Variants in PRKCE observed in about 807,000 individuals in gnomAD.
PRKCE encodes protein kinase C epsilon.
Under a neutral mutation model 85.4 loss-of-function variants are expected in PRKCE, and 16 were observed. That is an observed-to-expected ratio of 0.19 (90% confidence interval 0.13 to 0.28). PRKCE has a LOEUF of 0.28. Among genes scored for constraint, PRKCE ranks in the 10% least tolerant of loss-of-function variants. The probability of loss-of-function intolerance (pLI) is 1.00; values close to 1 mark genes in which losing one functional copy is unlikely to be tolerated. For missense variants in PRKCE, 573 were observed against 975.2 expected, an observed-to-expected ratio of 0.59 and a Z score of 5.49; for synonymous variants, 388 against 371.5, an observed-to-expected ratio of 1.04 and a Z score of -0.51.
At chr2:46,039,769 G>A (rs981091979) in intron 10 of PRKCE, among the ~76,000 whole-genome samples, 2 of 152,078 alleles carry the variant, frequency 1.3e-5, no homozygotes, top group Admixed American at 6.5e-5. Context: ...AGGCATATAC[G>A]AGGCTCTTCA....
intron 11 of PRKCE, among the ~76,000 whole-genome samples, chr2:46,120,638 T>C (rs1673220848): frequency 6.6e-6 from 1 of 152,192 alleles, no homozygotes; most frequent in African/African-American, 2.4e-5. Flanking sequence ...CAGATGTAGA[T>C]GATGTAGGCT....
chr2:45,772,168 TG>T (rs1685390991), intron 1 of PRKCE, among the ~76,000 whole-genome samples: 1 of 152,062 alleles, frequency 6.6e-6, no homozygotes, highest in African/African-American at 2.4e-5. Flanking sequence ...TGCCTAATTT[TG>T]TGTTTCTTCT....
intron 2 of PRKCE, among the ~76,000 whole-genome samples, chr2:45,887,871 A>G (rs1160421423): frequency 2.6e-5 from 4 of 152,214 alleles, no homozygotes; most frequent in Admixed American, 1.3e-4. Context: ...ACAAAAGCAC[A>G]TCTAACTGGC....
intron 2 of PRKCE, among the ~76,000 whole-genome samples, chr2:45,963,998 C>T (rs1054489609): frequency 6.6e-6 from 1 of 152,170 alleles, no homozygotes; most frequent in Non-Finnish European, 1.5e-5. Flanking sequence ...CTTGAGTTCA[C>T]TTTGCTTTAG....
chr2:45,719,746 C>T (rs543106545), intron 1 of PRKCE, among the ~76,000 whole-genome samples: 46 of 152,134 alleles, frequency 3.0e-4, no homozygotes, highest in Non-Finnish European at 4.9e-4. Context: ...CATAACCCTC[C>T]TCCCCACAAA....
At chr2:45,977,677 G>A (rs938596795) in intron 3 of PRKCE, among the ~76,000 whole-genome samples, 3 of 151,802 alleles carry the variant, frequency 2.0e-5, no homozygotes, top group African/African-American at 7.3e-5. Context: ...GAGGGGCTGA[G>A]ATAAAGATGA....
At chr2:45,807,968 TTGC>T (rs1025152243) in intron 1 of PRKCE, among the ~76,000 whole-genome samples, 6 of 151,962 alleles carry the variant, frequency 3.9e-5, no homozygotes, top group African/African-American at 1.5e-4. Context: ...TCTCCCTCCC[TTGC>T]TGTGCCACCC....
intron 1 of PRKCE, among the ~76,000 whole-genome samples, chr2:45,749,232 C>T (rs553463894): frequency 2.0e-5 from 3 of 152,310 alleles, no homozygotes; most frequent in African/African-American, 4.8e-5. Flanking sequence ...CTTCCCTGAT[C>T]CACCATGGGT....
intron 1 of PRKCE, among the ~76,000 whole-genome samples, chr2:45,793,430 C>G (rs1026424155): frequency 1.3e-5 from 2 of 152,196 alleles, no homozygotes; most frequent in Non-Finnish European, 2.9e-5. Flanking sequence ...CAGACTCCCC[C>G]AAATCCTGCT....
chr2:46,017,116 A>G (rs1706232556), intron 10 of PRKCE, among the ~76,000 whole-genome samples: 1 of 151,676 alleles, frequency 6.6e-6, no homozygotes, highest in Non-Finnish European at 1.5e-5. Context: ...CAGTGGTATT[A>G]AATGCATTCA....
At chr2:45,874,734 C>A (rs1342611476) in intron 2 of PRKCE, among the ~76,000 whole-genome samples, 1 of 152,168 alleles carries the variant, frequency 6.6e-6, no homozygotes, top group African/African-American at 2.4e-5. Context: ...AGGAGTCCAA[C>A]AAGATGCAGC....
At chr2:45,868,362 C>T (rs1693795881) in intron 2 of PRKCE, among the ~76,000 whole-genome samples, 1 of 146,686 alleles carries the variant, frequency 6.8e-6, no homozygotes, top group Non-Finnish European at 1.5e-5. Flanking sequence ...GCAGTTAGTC[C>T]ATCTTAGGTA....
rs1298172001 is a variant in PRKCE at position 45,697,240 on chromosome 2, G to T, written c.348+44792G>T. On this transcript the variant is annotated intron_variant, in intron 1 of 14. Coordinates refer to ENST00000306156, the MANE Select transcript of PRKCE (RefSeq NM_005400.3). This position sits in a 1 kb window ranked among gnomAD's most constrained non-coding sequence, Gnocchi z 4.2. ...TGGGAGGGCCTGTGTAGGTGAAGAG[G>T]GGGCGCACCCCACTGGCTGGCCTGG... is the stretch of plus-strand genomic sequence containing the variant. Among the ~76,000 whole-genome samples the T allele has an allele frequency of 6.6e-6, 1 of 152,066 alleles. No homozygotes were observed. Among genetic ancestry groups the T allele is most frequent in the Non-Finnish European group, 1.5e-5 (1 of 68,022 alleles).
intron 1 of PRKCE, among the ~76,000 whole-genome samples, chr2:45,785,240 C>T (rs1280094054): frequency 6.6e-6 from 1 of 151,930 alleles, no homozygotes; most frequent in Non-Finnish European, 1.5e-5. Flanking sequence ...CCTTTAATTC[C>T]AGCACTTTGG....
intron 10 of PRKCE, among the ~76,000 whole-genome samples, chr2:46,023,077 G>A (rs887994018): frequency 4.8e-5 from 5 of 103,106 alleles, no homozygotes; most frequent in Non-Finnish European, 9.5e-5. Flanking sequence ...GCGACAGAGC[G>A]AGACTCCGTC....
chr2:46,047,412 G>C (rs963369489), intron 10 of PRKCE, among the ~76,000 whole-genome samples: 6 of 152,188 alleles, frequency 3.9e-5, no homozygotes, highest in Non-Finnish European at 5.9e-5. Flanking sequence ...TGGAACAAGA[G>C]ACAGAAAAAA....
chr2:45,904,019 T>C (rs1444554139), intron 2 of PRKCE, among the ~76,000 whole-genome samples: 2 of 151,940 alleles, frequency 1.3e-5, no homozygotes, highest in Non-Finnish European at 2.9e-5. Context: ...TTCTCGTGCC[T>C]CACCCTTTGG....
intron 1 of PRKCE, among the ~76,000 whole-genome samples, chr2:45,714,935 C>G (rs890309809): frequency 6.6e-6 from 1 of 152,212 alleles, no homozygotes; most frequent in African/African-American, 2.4e-5. Context: ...GGTTTTTGGA[C>G]AAGCAGACAA....
At chr2:45,899,064 A>G (rs1361420933) in intron 2 of PRKCE, among the ~76,000 whole-genome samples, 1 of 152,238 alleles carries the variant, frequency 6.6e-6, no homozygotes, top group Non-Finnish European at 1.5e-5. Context: ...CCAATAGGCC[A>G]TAGCGCCTTC....
Sources: allele counts gnomAD v4.1 joint callset (sites outside exome capture counted in the v4.1 genomes callset), GRCh38; gene constraint gnomAD v4.1.1; non-coding constraint Gnocchi (gnomAD v3.1); transcripts MANE v1.5; gene names NCBI Gene and HGNC (gene_info 2026-07-23, HGNC 2026-07-21).